Variants in TBC1D4 observed in about 807,000 individuals in gnomAD.
TBC1D4 encodes the protein TBC (Tre-2, BUB2, CDC16) domain-containing protein.
A neutral mutation model predicts 142.5 loss-of-function variants in TBC1D4; 121 were observed. The observed-to-expected ratio is 0.85, with a 90% CI of 0.73 to 0.99. The LOEUF is 0.99. Among genes scored for constraint, TBC1D4 ranks in the 50% least tolerant of loss-of-function variants. TBC1D4 has a pLI of 0.00. For missense variants in TBC1D4, 1,475 were observed against 1,606.6 expected, an observed-to-expected ratio of 0.92 and a Z score of 1.40; for synonymous variants, 630 against 628.2, an observed-to-expected ratio of 1.00 and a Z score of -0.04.
chr13:75,352,501 T>C (rs1373561001), intron 4 of TBC1D4, among the ~76,000 whole-genome samples: 2 of 152,180 alleles, frequency 1.3e-5, no homozygotes, highest in African/African-American at 2.4e-5. Flanking sequence ...TTTCAAACTC[T>C]TTAAACCTAT....
intron 1 of TBC1D4, among the ~76,000 whole-genome samples, chr13:75,363,346 A>G (rs1293528941): frequency 6.6e-6 from 1 of 152,200 alleles, no homozygotes; most frequent in Non-Finnish European, 1.5e-5. Context: ...AAAGGAAAAT[A>G]TCTTAGGCCC....
At chr13:75,381,847 C>A (rs1220300356) in intron 1 of TBC1D4, among the ~76,000 whole-genome samples, 1 of 152,152 alleles carries the variant, frequency 6.6e-6, no homozygotes, top group Non-Finnish European at 1.5e-5. Flanking sequence ...AAATAATATA[C>A]AATGATACAA....
rs770424779 is a variant in TBC1D4 at position 75,393,188 on chromosome 13, GGTTTT to G, written c.499-30586_499-30582del. Among the ~76,000 whole-genome samples, 8 of 150,332 alleles carry G rather than the reference GGTTTT, an allele frequency of 5.3e-5. No homozygotes were observed. In the South Asian group the frequency reaches 1.7e-3, roughly 32 times the overall value. On this transcript the variant is annotated intron_variant, in intron 1 of 20. Transcript: ENST00000377636. Reference sequence around the variant, plus strand: ...TTTGTTTGCTCTTACTACTGCATTTGGTTTTGTTTTTTCCTTCCTTTTGCTACCAA... The same window carrying G: ...TTTGTTTGCTCTTACTACTGCATTTGGTTTTTTCCTTCCTTTTGCTACCAA...
At chr13:75,413,284 C>T (rs1332203273) in intron 1 of TBC1D4, among the ~76,000 whole-genome samples, 1 of 152,086 alleles carries the variant, frequency 6.6e-6, no homozygotes, top group Non-Finnish European at 1.5e-5. Flanking sequence ...GCCTCAGCCT[C>T]CCGAGTAGCT....
chr13:75,328,369 A>G (rs535439077), intron 8 of TBC1D4, among the ~76,000 whole-genome samples: 4 of 152,304 alleles, frequency 2.6e-5, no homozygotes, highest in South Asian at 4.1e-4. Context: ...GGAAGACTAG[A>G]TATCAGTCTG....
At chr13:75,453,811 G>A (rs1226485708) in intron 1 of TBC1D4, among the ~76,000 whole-genome samples, 4 of 151,318 alleles carry the variant, frequency 2.6e-5, no homozygotes, top group African/African-American at 4.9e-5. Flanking sequence ...GCAGTGAGCC[G>A]TGATAGTGCC....
At chr13:75,339,203 A>G (rs1880473292) in intron 7 of TBC1D4, among the ~76,000 whole-genome samples, 1 of 152,182 alleles carries the variant, frequency 6.6e-6, no homozygotes. Flanking sequence ...TTCCTAGTAC[A>G]GTCTGTACTC....
At chr13:75,396,594 C>G (rs991973916) in intron 1 of TBC1D4, among the ~76,000 whole-genome samples, 5 of 151,524 alleles carry the variant, frequency 3.3e-5, no homozygotes, top group African/African-American at 1.2e-4. Context: ...AGTTTGTCAT[C>G]TAGTATAATT....
chr13:75,330,626 G>A (rs1879666440), intron 8 of TBC1D4, among the ~76,000 whole-genome samples: 1 of 152,170 alleles, frequency 6.6e-6, no homozygotes, highest in Non-Finnish European at 1.5e-5. Flanking sequence ...GACACAGGAA[G>A]CACAATTGTA....
rs138750067 is a variant in TBC1D4, at chr13:75,343,026, G to A, written c.1409-1439C>T. ...AAAGAATAAGACAAAGTAATTGGCC[G>A]AAAATACTTATAATTTGTTCCGCTA... On this transcript the variant is annotated intron_variant, in intron 5 of 20. Transcript: ENST00000377636. Among the ~76,000 whole-genome samples, 26 of 152,086 alleles carry A rather than the reference G, an allele frequency of 1.7e-4. No individual in the cohort carries two copies. The East Asian group carries it at 2.1e-3, about 12-fold the overall frequency.
At chr13:75,450,031 T>C (rs1456427076) in intron 1 of TBC1D4, among the ~76,000 whole-genome samples, 2 of 152,222 alleles carry the variant, frequency 1.3e-5, no homozygotes, top group African/African-American at 4.8e-5. Context: ...CACACAAATA[T>C]GAAGAATAAA....
chr13:75,291,160 G>T (rs1875261036), intron 19 of TBC1D4, among the ~76,000 whole-genome samples: 1 of 152,026 alleles, frequency 6.6e-6, no homozygotes, highest in South Asian at 2.1e-4. Flanking sequence ...CCATTCTATT[G>T]TACCCTGGCA....
intron 1 of TBC1D4, among the ~76,000 whole-genome samples, chr13:75,392,978 G>A (rs1459795387): frequency 6.6e-6 from 1 of 151,886 alleles, no homozygotes; most frequent in Non-Finnish European, 1.5e-5. Context: ...TCATTTTGCT[G>A]AGCCCTTAAT....
intron 1 of TBC1D4, among the ~76,000 whole-genome samples, chr13:75,373,854 C>A (rs1165227554): frequency 2.0e-5 from 3 of 152,110 alleles, no homozygotes; most frequent in African/African-American, 7.2e-5. Flanking sequence ...TCAAACGCTC[C>A]CTTCCCTCCC....
intron 1 of TBC1D4, among the ~76,000 whole-genome samples, chr13:75,364,043 T>C (rs899815712): frequency 5.3e-5 from 8 of 152,288 alleles, no homozygotes; most frequent in African/African-American, 1.7e-4. Flanking sequence ...AAGATGTACA[T>C]TGGTTCGATC....
At chr13:75,397,514 T>C (rs1218623744) in intron 1 of TBC1D4, among the ~76,000 whole-genome samples, 5 of 152,228 alleles carry the variant, frequency 3.3e-5, no homozygotes, top group African/African-American at 1.2e-4. Context: ...AACAGTAATA[T>C]AATTATATTG....
chr13:75,455,628 C>T (rs977507798), intron 1 of TBC1D4, among the ~76,000 whole-genome samples: 1 of 151,878 alleles, frequency 6.6e-6, no homozygotes, highest in African/African-American at 2.4e-5. Context: ...CAAGTGCAGA[C>T]AAAACAATCA....
chr13:75,296,658 A>T (rs1370496775), intron 17 of TBC1D4, among the ~76,000 whole-genome samples: 3 of 152,200 alleles, frequency 2.0e-5, no homozygotes, highest in Non-Finnish European at 2.9e-5. Flanking sequence ...TGCAGATTAA[A>T]GAGGTGAACT....
intron 1 of TBC1D4, among the ~76,000 whole-genome samples, chr13:75,468,581 T>C (rs1184847694): frequency 6.6e-6 from 1 of 152,124 alleles, no homozygotes; most frequent in Non-Finnish European, 1.5e-5. Flanking sequence ...TTTCAGAAAT[T>C]ACGTAAGTTA....
Sources: allele counts gnomAD v4.1 joint callset (sites outside exome capture counted in the v4.1 genomes callset), GRCh38; gene constraint gnomAD v4.1.1; transcripts MANE v1.5; gene names NCBI Gene and HGNC (gene_info 2026-07-23, HGNC 2026-07-21).